Variants in DPYSL5 observed in about 807,000 individuals in gnomAD.
The protein encoded by DPYSL5 is dihydropyrimidinase like 5.
DPYSL5 carries 9 observed loss-of-function variants against 58.4 expected under a neutral mutation model. The ratio of observed to expected loss-of-function variants is 0.15; its 90% confidence interval spans 0.09 to 0.27. DPYSL5 has a LOEUF of 0.27. Ranked by LOEUF, DPYSL5 falls within the 10% of genes least tolerant of loss-of-function variation. The probability of loss-of-function intolerance (pLI) is 1.00; values close to 1 mark genes in which losing one functional copy is unlikely to be tolerated. For synonymous variants in DPYSL5, 293 were observed against 301.9 expected, an observed-to-expected ratio of 0.97 and a Z score of 0.31; for missense variants, 499 against 770.6, an observed-to-expected ratio of 0.65 and a Z score of 4.17.
intron 1 of DPYSL5, among the ~76,000 whole-genome samples, chr2:26,882,081 A>T (rs1572685328): frequency 7.9e-6 from 1 of 126,516 alleles, no homozygotes; most frequent in East Asian, 2.2e-4. Flanking sequence ...ATAGAGCGAG[A>T]CTCCATCTCA....
At chr2:26,851,864 T>C (rs935099123) in intron 1 of DPYSL5, among the ~76,000 whole-genome samples, 12 of 152,098 alleles carry the variant, frequency 7.9e-5, no homozygotes, top group African/African-American at 2.7e-4. Flanking sequence ...GGAGAATCAC[T>C]TGAACCTGGG....
intron 1 of DPYSL5, among the ~76,000 whole-genome samples, chr2:26,857,645 A>T (rs4552148): frequency 0.43 from 64,938 of 152,052 alleles, 14,317 homozygotes; most frequent in African/African-American, 0.49. Flanking sequence ...AATGGCCAGA[A>T]TTCTTATTTC....
chr2:26,899,055 C>G (rs905024329), intron 2 of DPYSL5, among the ~76,000 whole-genome samples: 11 of 152,102 alleles, frequency 7.2e-5, no homozygotes, highest in Non-Finnish European at 1.5e-4. Flanking sequence ...TAATACAAAC[C>G]TAGAGGAAGA....
intron 2 of DPYSL5, among the ~76,000 whole-genome samples, chr2:26,916,935 G>T (rs75284586): frequency 0.01 from 1,569 of 152,260 alleles, 12 homozygotes; most frequent in Non-Finnish European, 0.017. Flanking sequence ...CATAGTCTGC[G>T]CATTAGTGCT....
At chr2:26,876,379 C>T (rs1195182780) in intron 1 of DPYSL5, among the ~76,000 whole-genome samples, 1 of 152,118 alleles carries the variant, frequency 6.6e-6, no homozygotes, top group East Asian at 1.9e-4. Flanking sequence ...GAGATGGGGG[C>T]CACTGGAGGA....
At chr2:26,914,741 G>A (rs1478967342) in intron 2 of DPYSL5, among the ~76,000 whole-genome samples, 2 of 152,130 alleles carry the variant, frequency 1.3e-5, no homozygotes, top group Non-Finnish European at 2.9e-5. Flanking sequence ...TGAAATCAGG[G>A]CTTCCTGAAC....
In DPYSL5 at chr2:26,914,973, C is replaced by T. The variant is rs554658381; in HGVS notation, c.262-9914C>T. On this transcript the variant is annotated intron_variant, in intron 2 of 12. Transcript: ENST00000288699. ...GGCTTCCTCCTACTTCTTTGCAATT[C>T]CTTCCCAGTCTCCTTCCTGGTCTTG... Among the ~76,000 whole-genome samples, 3 of 152,260 alleles carry T rather than the reference C, an allele frequency of 2.0e-5. No homozygotes were observed. In the South Asian group the frequency reaches 6.2e-4, roughly 32 times the overall value.
At chr2:26,913,605 T>A (rs1664492849) in intron 2 of DPYSL5, among the ~76,000 whole-genome samples, 1 of 152,196 alleles carries the variant, frequency 6.6e-6, no homozygotes, top group Non-Finnish European at 1.5e-5. Context: ...TGCTTTCCAT[T>A]ACAGAGTCAT....
intron 1 of DPYSL5, among the ~76,000 whole-genome samples, chr2:26,894,239 C>T (rs1663958583): frequency 6.6e-6 from 1 of 152,036 alleles, no homozygotes; most frequent in Admixed American, 6.6e-5. Context: ...TTCCTATGTG[C>T]ACCCCATTTC....
In DPYSL5 at chr2:26,849,895, G is replaced by A. The variant is rs565552694; in HGVS notation, c.-5+1641G>A. Among the ~76,000 whole-genome samples, 339 of 152,312 alleles carry A rather than the reference G, an allele frequency of 2.2e-3. No individual in the cohort carries two copies. The highest frequency in any genetic ancestry group is 7.9e-3 in the African/African-American group (327 of 41,582). On this transcript the variant is annotated intron_variant, in intron 1 of 12. Coordinates refer to ENST00000288699, the MANE Select transcript of DPYSL5 (RefSeq NM_020134.4). The surrounding 1 kb of genome is among the most constrained non-coding windows in gnomAD (Gnocchi z 6.2). ...CACTCCGGCTCGGGTGCCTTCTGGT[G>A]CAGCGCCGCCGCCCGCCCCGCGCTG... is the stretch of plus-strand genomic sequence containing the variant.
rs3739085 is a variant in DPYSL5, at chr2:26,940,176, T to C, written c.1089+4T>C. 0.6 allele frequency: 974,909 copies of C among 1,613,268 alleles called. 297,467 individuals are homozygous for C. The highest frequency in any genetic ancestry group is 0.68 in the East Asian group (30,355 of 44,864). On this transcript the variant is annotated splice_donor_region_variant and intron_variant, in intron 9 of 12. Coordinates refer to ENST00000288699, the MANE Select transcript of DPYSL5 (RefSeq NM_020134.4). ...CGTCATCTGGGAGAGAGGAGTGGTA[T>C]GTTTCCTAGAGCCCCGCCCCGATCT... is the stretch of plus-strand genomic sequence containing the variant.
At chr2:26,882,366 C>A (rs1182841115) in intron 1 of DPYSL5, among the ~76,000 whole-genome samples, 8 of 151,924 alleles carry the variant, frequency 5.3e-5, no homozygotes. Context: ...CTGCCTTAGC[C>A]TTCTGACTAG....
At chr2:26,932,200 AAAGAAAGAAAAGAAAGAAAG>A (rs1665044216) in intron 6 of DPYSL5, among the ~76,000 whole-genome samples, 2 of 86,808 alleles carry the variant, frequency 2.3e-5, no homozygotes, top group African/African-American at 4.6e-5. Context: ...AGAAAGAAAG[AAAGAAAGAAAAGAAAGAAAG>A]AAAGAAAGAA....
rs1232664877 is a variant in DPYSL5, at chr2:26,905,264, A to G, written c.261+6504A>G. On this transcript the variant is annotated intron_variant, in intron 2 of 12. Transcript: ENST00000288699. This position sits in a 1 kb window ranked among gnomAD's most constrained non-coding sequence, Gnocchi z 4.0. ...GCCTTAGAGCTAAACAGTTTTTACT[A>G]TGTATAAATGGTGTTTGTAAGGATT... Among the ~76,000 whole-genome samples, 1 of 152,198 alleles carries G rather than the reference A, an allele frequency of 6.6e-6. No individual in the cohort carries two copies. The highest frequency in any genetic ancestry group is 1.5e-5 in the Non-Finnish European group (1 of 68,034).
chr2:26,884,440 G>A (rs1558330743), intron 1 of DPYSL5, among the ~76,000 whole-genome samples: 2 of 151,922 alleles, frequency 1.3e-5, no homozygotes, highest in South Asian at 4.1e-4. Context: ...CAGCTTGAAC[G>A]CCCAAGACTG....
chr2:26,934,648 C>A lies in DPYSL5; in HGVS notation c.861C>A (p.Asp287Glu). Residue 287 changes from aspartate to glutamate, a missense_variant, in exon 8 of 13, where the codon GAC (aspartate) becomes GAA (glutamate). Physicochemically the swap from Asp to Glu is conservative, Grantham distance 45. Coordinates refer to ENST00000288699, the MANE Select transcript of DPYSL5 (RefSeq NM_020134.4). The surrounding 1 kb of genome is among the most constrained non-coding windows in gnomAD (Gnocchi z 4.3). ...CAGGCTTACACTACTACCACCAGGACTGGTCCCACGCGGCTGCCTATGTCA... is the reference window on the plus strand; with the variant it reads ...CAGGCTTACACTACTACCACCAGGAATGGTCCCACGCGGCTGCCTATGTCA... ...TLTGLHYYHQ[D>E]WSHAAAYVTV... The A allele has an allele frequency of 6.2e-7, 1 of 1,614,160 alleles. No individual in the cohort carries two copies.
chr2:26,913,952 TAAAAA>T (rs71401539), intron 2 of DPYSL5, among the ~76,000 whole-genome samples: 1 of 132,314 alleles, frequency 7.6e-6, no homozygotes. Context: ...TTCCAAAATG[TAAAAA>T]AAAAAAAAAA....
chr2:26,886,652 C>T (rs1432103188), intron 1 of DPYSL5, among the ~76,000 whole-genome samples: 2 of 152,138 alleles, frequency 1.3e-5, no homozygotes, highest in Non-Finnish European at 2.9e-5. Context: ...GTTTTTTAAA[C>T]TTAAATTTAT....
chr2:26,863,291 C>A (rs956926547), intron 1 of DPYSL5, among the ~76,000 whole-genome samples: 2 of 152,218 alleles, frequency 1.3e-5, no homozygotes, highest in African/African-American at 4.8e-5. Flanking sequence ...TTGGCATCCT[C>A]CCCCTTTAAG....
Sources: allele counts gnomAD v4.1 joint callset (sites outside exome capture counted in the v4.1 genomes callset), GRCh38; gene constraint gnomAD v4.1.1; non-coding constraint Gnocchi (gnomAD v3.1); transcripts MANE v1.5; gene names NCBI Gene and HGNC (gene_info 2026-07-23, HGNC 2026-07-21).